The following USP25 variants were observed in gnomAD, a reference collection of about 807,000 sequenced individuals.
USP25 encodes the protein ubiquitin specific peptidase 25.
Under a neutral mutation model 158.5 loss-of-function variants are expected in USP25, and 85 were observed. The ratio of observed to expected loss-of-function variants is 0.54; its 90% CI spans 0.45 to 0.64. USP25 has a LOEUF of 0.64. Among genes scored for constraint, USP25 ranks in the 30% least tolerant of loss-of-function variants. The pLI is 0.00. For synonymous variants in USP25, 464 were observed against 460.4 expected (o/e 1.01, Z -0.10); for missense variants, 1,242 against 1,327.3 (o/e 0.94, Z 1.00).
At chr21:15,871,985 T>G (rs1179058588) in intron 23 of USP25, among the ~76,000 whole-genome samples, 5 of 144,818 alleles carry the variant, frequency 3.5e-5, no homozygotes. Flanking sequence ...AGCGAGACAC[T>G]GTCTCAAAAA....
intron 2 of USP25, among the ~76,000 whole-genome samples, chr21:15,765,479 C>G (rs527878994): frequency 7.9e-5 from 12 of 151,930 alleles, no homozygotes; most frequent in African/African-American, 2.9e-4. Context: ...TTCTGTGTGT[C>G]TTTCCATAAT....
intron 1 of USP25, among the ~76,000 whole-genome samples, chr21:15,731,844 AG>A (rs1601218916): frequency 1.3e-5 from 2 of 152,218 alleles, no homozygotes; most frequent in East Asian, 3.8e-4. Context: ...GGCTTAGGAA[AG>A]AGCACATGGT....
At chr21:15,735,837 A>T (rs867493224) in intron 1 of USP25, among the ~76,000 whole-genome samples, 2 of 152,132 alleles carry the variant, frequency 1.3e-5, no homozygotes, top group South Asian at 2.1e-4. Context: ...AAAGTTTCCA[A>T]ATTTTGCTTA....
At chr21:15,834,215 T>A (rs890079763) in intron 17 of USP25, among the ~76,000 whole-genome samples, 8 of 152,188 alleles carry the variant, frequency 5.3e-5, no homozygotes, top group Non-Finnish European at 1.0e-4. Flanking sequence ...AAGTAAACAC[T>A]GTATAGGAAT....
At chr21:15,731,622 T>TAGTG (rs2030914531) in intron 1 of USP25, among the ~76,000 whole-genome samples, 1 of 152,242 alleles carries the variant, frequency 6.6e-6, no homozygotes, top group South Asian at 2.1e-4. Flanking sequence ...AAAGCAAGGA[T>TAGTG]AGTGCATTGT....
intron 1 of USP25, among the ~76,000 whole-genome samples, chr21:15,737,580 A>AT (rs199972510): frequency 1.1e-4 from 16 of 151,634 alleles, no homozygotes; most frequent in Admixed American, 9.2e-4. Context: ...GGCTGAAGGT[A>AT]TTTTTTTTAA....
rs1216458514 is a variant in USP25 at position 15,734,655 on chromosome 21, A to G, written c.45+4217A>G. 3.3e-5 allele frequency among the ~76,000 whole-genome samples: 5 copies of G among 152,078 alleles called. 1 individual carries two copies. Among genetic ancestry groups the G allele is most frequent in the African/African-American group, 1.2e-4 (5 of 41,400 alleles). On this transcript the variant is annotated intron_variant, in intron 1 of 25. Transcript: ENST00000400183. Reference sequence around the variant, plus strand: ...TTAATATTCTGACCTCTTTCTTGTCATTATTTTTACCACTTATTACTTTAA... The same window carrying G: ...TTAATATTCTGACCTCTTTCTTGTCGTTATTTTTACCACTTATTACTTTAA...
intron 2 of USP25, among the ~76,000 whole-genome samples, chr21:15,765,491 C>T (rs1176883489): frequency 6.6e-6 from 1 of 151,922 alleles, no homozygotes; most frequent in East Asian, 1.9e-4. Context: ...TTCCATAATT[C>T]CATATTATCA....
chr21:15,871,685 C>T (rs1397243664), intron 23 of USP25, among the ~76,000 whole-genome samples: 1 of 152,138 alleles, frequency 6.6e-6, no homozygotes, highest in Admixed American at 6.5e-5. Context: ...TGAGATATAA[C>T]TTGGAAATAT....
intron 20 of USP25, among the ~76,000 whole-genome samples, chr21:15,852,471 G>A (rs1484543521): frequency 2.6e-5 from 4 of 152,050 alleles, no homozygotes; most frequent in Non-Finnish European, 5.9e-5. Flanking sequence ...TAAATAAATT[G>A]TATCAATGTT....
chr21:15,746,746 G>A (rs1055409979), intron 1 of USP25, among the ~76,000 whole-genome samples: 4 of 152,212 alleles, frequency 2.6e-5, no homozygotes, highest in African/African-American at 9.6e-5. Context: ...TATAGAATGT[G>A]GTTGATTTTT....
intron 6 of USP25, among the ~76,000 whole-genome samples, chr21:15,802,554 C>T (rs1161329717): frequency 6.6e-6 from 1 of 151,060 alleles, no homozygotes; most frequent in East Asian, 1.9e-4. Flanking sequence ...TCCCAAGGGA[C>T]AAAAAAACAA....
In USP25 at chr21:15,799,703, A is replaced by G. The variant is rs548966580; in HGVS notation, c.556-54A>G. Reference sequence around the variant, plus strand: ...AACCTCCAAGACTAGTCATTTTTACATTCTGCTAATGGAATTTTCCCTCAG... The same window carrying G: ...AACCTCCAAGACTAGTCATTTTTACGTTCTGCTAATGGAATTTTCCCTCAG... On this transcript the variant is annotated intron_variant, in intron 5 of 25. Transcript: ENST00000400183. The G allele has an allele frequency of 7.8e-6, 10 of 1,280,636 alleles. No homozygotes were observed. In the Admixed American group the frequency reaches 8.7e-5, roughly 11 times the overall value. 79.3% of individuals were successfully genotyped at this position (1,280,636 alleles called of 1,614,324 possible).
chr21:15,858,660 G>A (rs1042270829), intron 20 of USP25, among the ~76,000 whole-genome samples: 15 of 151,220 alleles, frequency 9.9e-5, no homozygotes, highest in Non-Finnish European at 1.8e-4. Context: ...GTTTTATTGC[G>A]GTGATCAGAA....
At chr21:15,845,372 A>C (rs1014507362) in intron 18 of USP25, among the ~76,000 whole-genome samples, 1 of 152,160 alleles carries the variant, frequency 6.6e-6, no homozygotes, top group African/African-American at 2.4e-5. Flanking sequence ...GAAAAAGATA[A>C]ATAAACATGT....
Position 15,778,034 on chromosome 21 carries a change from A to T in USP25, c.392+7A>T. On this transcript the variant is annotated splice_region_variant and intron_variant, in intron 4 of 25. Coordinates refer to ENST00000400183, the MANE Select transcript of USP25 (RefSeq NM_001283041.3). ...AGGAACAAGCCATTAGCAGGTAAAA[A>T]CATAATTTGTATAAAGCAGATATAA... 1.3e-6 allele frequency: 2 copies of T among 1,590,772 alleles called. No individual in the cohort carries two copies. Among genetic ancestry groups the T allele is most frequent in the South Asian group, 2.3e-5 (2 of 86,230 alleles).
intron 23 of USP25, among the ~76,000 whole-genome samples, chr21:15,872,915 A>T (rs566291810): frequency 2.2e-4 from 34 of 152,294 alleles, no homozygotes; most frequent in Admixed American, 4.6e-4. Flanking sequence ...TTCATTTTTT[A>T]AAATATATTT....
At chr21:15,800,055 A>G (rs1288296073) in intron 6 of USP25, among the ~76,000 whole-genome samples, 1 of 151,142 alleles carries the variant, frequency 6.6e-6, no homozygotes, top group East Asian at 1.9e-4. Context: ...TAATATGCCA[A>G]TTTTTGGTGT....
intron 10 of USP25, among the ~76,000 whole-genome samples, chr21:15,823,307 T>A (rs1200621115): frequency 2.0e-5 from 3 of 152,178 alleles, no homozygotes; most frequent in Non-Finnish European, 2.9e-5. Flanking sequence ...TTTAAAAATG[T>A]TGAATTTCAT....
Sources: allele counts gnomAD v4.1 joint callset (sites outside exome capture counted in the v4.1 genomes callset), GRCh38; gene constraint gnomAD v4.1.1; transcripts MANE v1.5; gene names NCBI Gene and HGNC (gene_info 2026-07-23, HGNC 2026-07-21).